Variants in STOML1 observed in about 807,000 individuals in gnomAD.
The protein encoded by STOML1 is stomatin like 1, also known as stomatin-like protein 1.
STOML1 carries 27 observed loss-of-function variants against 35.7 expected under a neutral mutation model. That is an observed-to-expected ratio of 0.76 (90% confidence interval 0.56 to 1.04). STOML1 has a LOEUF of 1.04. STOML1 is among the 50% of genes least tolerant of loss of function. The probability of loss-of-function intolerance (pLI) is 0.00; values close to 1 mark genes in which losing one functional copy is unlikely to be tolerated. For missense variants in STOML1, 451 were observed against 527.1 expected, an observed-to-expected ratio of 0.86 and a Z score of 1.41; for synonymous variants, 219 against 227.9, an observed-to-expected ratio of 0.96 and a Z score of 0.35.
In STOML1 at chr15:73,984,653, C is replaced by T. The variant is rs767127293; in HGVS notation, c.1003+6G>A. ...TGGGAAGGAGAGGCAAGGAGGGCAG[C>T]GGCACCTGTAGTGAGGTCCAGGAAG... On this transcript the variant is annotated splice_donor_region_variant and intron_variant, in intron 6 of 6. Transcript: ENST00000541638. 2.2e-5 allele frequency: 36 copies of T among 1,612,680 alleles called. No homozygotes were observed. The highest frequency in any genetic ancestry group is 3.3e-4 in the Middle Eastern group (2 of 6,054).
At position 73,988,849 on chromosome 15, in the gene STOML1, G is replaced by C; in HGVS notation, c.391-47C>G. On this transcript the variant is annotated intron_variant, in intron 3 of 6. Transcript: ENST00000541638. The surrounding 1 kb of genome is among the most constrained non-coding windows in gnomAD (Gnocchi z 4.8). Reference sequence around the variant, plus strand: ...GAGAGACACTCAAGGGGCTGGGGGTGCAGGGAGGTCAGGCCCACTGGGGCC... The same window carrying C: ...GAGAGACACTCAAGGGGCTGGGGGTCCAGGGAGGTCAGGCCCACTGGGGCC... The C allele has an allele frequency of 6.3e-7, 1 of 1,586,580 alleles. No homozygotes were observed. The highest frequency in any genetic ancestry group is 8.6e-7 in the Non-Finnish European group (1 of 1,161,800).
chr15:73,984,163 G>C (rs2069013343), intron 6 of STOML1, 33 bp from the exon 7 acceptor site: 2 of 1,591,666 alleles, frequency 1.3e-6, no homozygotes, highest in African/African-American at 1.3e-5. Flanking sequence ...GTGTCAGTAG[G>C]GGAATGGAGG....
At position 73,984,101 on chromosome 15, in the gene STOML1, C is replaced by G; in HGVS notation, c.1033G>C (p.Asp345His). The stretch of plus-strand genomic sequence containing the variant: ...TCCACCACCACATCAGGGATGCCAT[C>G]AGGCACCCCGTGTCCCACTCTTCCT... ...GRGRVGHGVP[D>H]GIPDVVVEMA... Residue 345 changes from aspartate (D) to histidine (H), a missense_variant, in exon 7 of 7, where the codon GAT becomes CAT. Transcript: ENST00000541638. The G allele has an allele frequency of 6.2e-7, 1 of 1,613,670 alleles. No individual in the cohort carries two copies. Among genetic ancestry groups the G allele is most frequent in the East Asian group, 2.2e-5 (1 of 44,868 alleles).
Position 73,990,391 on chromosome 15 carries a change from A to G in STOML1, c.200T>C (p.Leu67Pro). 2 of 1,614,170 alleles carry G rather than the reference A, an allele frequency of 1.2e-6. No individual in the cohort carries two copies. The highest frequency in any genetic ancestry group is 1.7e-6 in the Non-Finnish European group (2 of 1,180,008). The change falls in exon 2 of 7, where the codon CTG becomes CCG. Residue 67 changes from leucine to proline, a missense_variant. Physicochemically the swap from Leu to Pro is moderately conservative, Grantham distance 98. Coordinates refer to ENST00000541638, the MANE Select transcript of STOML1 (RefSeq NM_004809.5). ...GCCAGAAATGGGGAAGGTGACCAACAGCAGCAAGAACCCCAGGAAACTGAT... is the reference window on the plus strand; with the variant it reads ...GCCAGAAATGGGGAAGGTGACCAACGGCAGCAAGAACCCCAGGAAACTGAT... ...GLISFLGFLL[L>P]LVTFPISGWF...
chr15:73,989,219 C>G lies in STOML1; in HGVS notation c.279G>C (p.Leu93=). Reference sequence around the variant, plus strand: ...GTCCCTGGGGGGTGCGGATCCGGCCCAGGCGGAACACAATCATCCGCTCGT... The same window carrying G: ...GTCCCTGGGGGGTGCGGATCCGGCCGAGGCGGAACACAATCATCCGCTCGT... ...PTYERMIVFR[L]GRIRTPQGPG... Residue 93 remains leucine, a synonymous_variant, in exon 3 of 7, where the codon CTG becomes CTC. Coordinates refer to ENST00000541638, the MANE Select transcript of STOML1 (RefSeq NM_004809.5). 2 of 1,609,026 alleles carry G rather than the reference C, an allele frequency of 1.2e-6. No homozygotes were observed. The highest frequency in any genetic ancestry group is 1.7e-6 in the Non-Finnish European group (2 of 1,177,504).
rs144102142 is a variant in STOML1 at position 73,981,771 on chromosome 15, C to T, written c.*2166G>A. 9.4e-4 allele frequency: 143 copies of T among 152,552 alleles called. No homozygotes were observed. The East Asian group carries it at 0.026, about 27-fold the overall frequency. 9.4% of individuals were successfully genotyped at this position (152,552 alleles called of 1,614,324 possible). ...ACACCCTCCTCCTCCCTCTTCACAC[C>T]GACCCTTTAGGTGGCCCTTGTCCTT... On this transcript the variant is annotated 3_prime_UTR_variant, in exon 7 of 7. Transcript: ENST00000541638.
chr15:73,988,605 C>G lies in STOML1; in HGVS notation c.588G>C (p.Gln196His). The G allele has an allele frequency of 6.2e-7, 1 of 1,614,202 alleles. No homozygotes were observed. ...CTTGTGAGGGGCTGCCTACCAGAAG[C>G]TGGTCGCTGATCTTGAGCTTCTCCA... The part of the protein sequence containing the change: ...IQMEKLKISD[Q>H]LLLEINDVTR... Residue 196 changes from glutamine to histidine, a missense_variant, in exon 4 of 7, where the codon CAG (glutamine) becomes CAC (histidine). Transcript: ENST00000541638. The surrounding 1 kb of genome is among the most constrained non-coding windows in gnomAD (Gnocchi z 4.8).
At position 73,980,150 on chromosome 15, in the gene STOML1, C is replaced by T. The variant is rs77505460; in HGVS notation, c.*3787G>A. On this transcript the variant is annotated 3_prime_UTR_variant, in exon 7 of 7. Coordinates refer to ENST00000541638, the MANE Select transcript of STOML1 (RefSeq NM_004809.5). The stretch of plus-strand genomic sequence containing the variant: ...CAAAAGACCCAAAAGTTTAATAACA[C>T]AGTGTATTGACATGACTATGAGAAA... 1 of 152,156 alleles carries T rather than the reference C, an allele frequency of 6.6e-6. No homozygotes were observed. Among genetic ancestry groups the T allele is most frequent in the South Asian group, 2.1e-4 (1 of 4,826 alleles). The allele number at this position is 152,156 out of a possible 1,614,324, so 9.4% of individuals were successfully genotyped here.
intron 1 of STOML1, chr15:73,991,637 G>T (rs1274748081): frequency 2.2e-6 from 1 of 460,052 alleles, no homozygotes; most frequent in Admixed American, 2.3e-5. Flanking sequence ...CTGTCATTTT[G>T]GCCTGCACAT....
chr15:73,992,429 C>T (rs1195477900), upstream of STOML1: 4 of 458,016 alleles, frequency 8.7e-6, no homozygotes, highest in African/African-American at 2.1e-5. Context: ...CGAACTGCAG[C>T]CCAGGGCTAC....
At chr15:73,992,060 C>A in intron 1 of STOML1, 31 bp downstream of exon 1, 1 of 1,542,408 alleles carries the variant, frequency 6.5e-7, no homozygotes, top group African/African-American at 1.4e-5. Context: ...GCCGGTCCCC[C>A]CCGGCTCCGC....
intron 2 of STOML1, chr15:73,989,978 T>C (rs549165843): frequency 2.0e-5 from 4 of 203,034 alleles, no homozygotes; most frequent in African/African-American, 7.0e-5. Flanking sequence ...TTATGGAAAA[T>C]GAGGCCTGAA....
At chr15:73,991,779 T>C (rs1343148178) in intron 1 of STOML1, 12 of 569,268 alleles carry the variant, frequency 2.1e-5, no homozygotes, top group Admixed American at 9.8e-5. Flanking sequence ...CTATGCGAAA[T>C]AGAAACCTGA....
At position 73,981,730 on chromosome 15, in the gene STOML1, C is replaced by T. The variant is rs1368550201; in HGVS notation, c.*2207G>A. The T allele has an allele frequency of 6.6e-6, 1 of 152,326 alleles. No homozygotes were observed. Among genetic ancestry groups the T allele is most frequent in the Non-Finnish European group, 1.5e-5 (1 of 68,154 alleles). 9.4% of individuals were successfully genotyped at this position (152,326 alleles called of 1,614,324 possible). ...GAGGACATCACCTCCTCAGGAAAGC[C>T]TTCTCTGATTGACACACACCCTCCT... On this transcript the variant is annotated 3_prime_UTR_variant, in exon 7 of 7. Transcript: ENST00000541638.
At chr15:73,984,168 T>C (rs750084732) in intron 6 of STOML1, 38 bp from the exon 7 acceptor site, 34 of 1,583,338 alleles carry the variant, frequency 2.1e-5, no homozygotes, top group Non-Finnish European at 2.9e-5. Flanking sequence ...AGTAGGGGAA[T>C]GGAGGAACGT....
Position 73,984,667 on chromosome 15 carries a change from A to T in STOML1, c.995T>A (p.Leu332His). Reference protein sequence around the residue: ...SGTQSAYFLDLTTGRGRVGHG... With the variant: ...SGTQSAYFLDHTTGRGRVGHG... ...AAGGAGGGCAGCGGCACCTGTAGTG[A>T]GGTCCAGGAAGTAGGCGCTTTGGGT... The change falls in exon 6 of 7, where the codon CTC becomes CAC. Residue 332 changes from leucine (L) to histidine (H), a missense_variant. By Grantham distance (99) the Leu-to-His change is moderately conservative (BLOSUM62 -3). Coordinates refer to ENST00000541638, the MANE Select transcript of STOML1 (RefSeq NM_004809.5). 1 of 1,614,112 alleles carries T rather than the reference A, an allele frequency of 6.2e-7. No homozygotes were observed. The highest frequency in any genetic ancestry group is 1.3e-5 in the African/African-American group (1 of 75,068).
At position 73,989,258 on chromosome 15, in the gene STOML1, C is replaced by G. The variant is rs2069193218; in HGVS notation, c.241-1G>C. 1 of 1,591,174 alleles carries G rather than the reference C, an allele frequency of 6.3e-7. No individual in the cohort carries two copies. Among genetic ancestry groups the G allele is most frequent in the African/African-American group, 1.3e-5 (1 of 74,538 alleles). ...TCATCCGCTCGTAGGTGGGCACAAT[C>G]TGTCCACAATGGCAAGGGAAAGAGT... On this transcript the variant is annotated splice_acceptor_variant, in intron 2 of 6. Coordinates refer to ENST00000541638, the MANE Select transcript of STOML1 (RefSeq NM_004809.5). LOFTEE classifies it high-confidence loss of function.
At chr15:73,986,698 G>A in intron 4 of STOML1, 1 of 153,178 alleles carries the variant, frequency 6.5e-6, no homozygotes. Context: ...GCTGAGAGGT[G>A]CCCACTGGGC....
chr15:73,992,499 T>A (rs1354688729), upstream of STOML1, among the ~76,000 whole-genome samples: 1 of 152,102 alleles, frequency 6.6e-6, no homozygotes, highest in Admixed American at 6.5e-5. Flanking sequence ...CCTCTTCTCC[T>A]ACTCAGCCCT....
Sources: gnomAD v4.1 joint callset for allele counts (sites outside exome capture counted in the v4.1 genomes callset) on GRCh38, gnomAD v4.1.1 for gene constraint, Gnocchi (gnomAD v3.1) non-coding constraint, MANE v1.5 for transcripts, NCBI Gene and HGNC (gene_info 2026-07-23, HGNC 2026-07-21) for gene names.